PARP8: variants seen among roughly 807,000 people sequenced by gnomAD.
The protein encoded by PARP8 is protein mono-ADP-ribosyltransferase PARP8.
PARP8 carries 51 observed loss-of-function variants against 124.1 expected under a neutral mutation model. That is an observed-to-expected ratio of 0.41 (90% CI 0.33 to 0.52). PARP8 has a LOEUF of 0.52. Ranked by LOEUF, PARP8 falls within the 20% of genes least tolerant of loss-of-function variation. The pLI, the probability that PARP8 is intolerant of heterozygous loss-of-function variation, is 0.21. For missense variants in PARP8, 860 were observed against 1,018.9 expected (o/e 0.84, Z 2.12); for synonymous variants, 391 against 361.5 (o/e 1.08, Z -0.93).
chr5:50,811,019 A>G (rs1744375310), intron 14 of PARP8, among the ~76,000 whole-genome samples: 1 of 152,084 alleles, frequency 6.6e-6, no homozygotes, highest in African/African-American at 2.4e-5. Context: ...GTTTCCAAAA[A>G]GCAGATTTTC....
chr5:50,742,341 G>T (rs1033478920), intron 2 of PARP8, among the ~76,000 whole-genome samples: 5 of 152,174 alleles, frequency 3.3e-5, no homozygotes, highest in African/African-American at 1.2e-4. Context: ...TTCAAATTGT[G>T]AAATTGTTAG....
Position 50,763,789 on chromosome 5 carries a change from T to C in PARP8, c.518+547T>C, listed in dbSNP as rs142081173. The stretch of plus-strand genomic sequence containing the variant: ...CCCCACCATCCTTACTTTTCTTTTT[T>C]CTCCTTAATGTAAGAAAAAGCTTTT... On this transcript the variant is annotated intron_variant, in intron 7 of 25. Transcript: ENST00000281631. Among the ~76,000 whole-genome samples the C allele has an allele frequency of 2.5e-4, 38 of 152,336 alleles. 1 individual carries two copies. In the East Asian group the frequency reaches 7.3e-3, roughly 29 times the overall value.
chr5:50,792,477 C>G (rs1245008455), intron 10 of PARP8, among the ~76,000 whole-genome samples: 1 of 145,702 alleles, frequency 6.9e-6, no homozygotes, highest in East Asian at 2.2e-4. Context: ...CCATTTTGAC[C>G]TGTTTTTTTT....
At chr5:50,816,687 C>G (rs1745140520) in intron 15 of PARP8, among the ~76,000 whole-genome samples, 1 of 151,912 alleles carries the variant, frequency 6.6e-6, no homozygotes, top group Non-Finnish European at 1.5e-5. Flanking sequence ...AATAAATTTC[C>G]AAACTATAGC....
At chr5:50,763,090 C>G in intron 6 of PARP8, 58 bp from the exon 7 acceptor site, 1 of 1,379,860 alleles carries the variant, frequency 7.2e-7, no homozygotes, top group Non-Finnish European at 1.0e-6. Flanking sequence ...CAAAAGGTTG[C>G]TTAAGTTTTT....
At chr5:50,714,295 G>A (rs1431208418) in intron 2 of PARP8, among the ~76,000 whole-genome samples, 2 of 151,750 alleles carry the variant, frequency 1.3e-5, no homozygotes, top group Non-Finnish European at 1.5e-5. Context: ...ATTCAAGCTA[G>A]GAAGAAGGGA....
intron 2 of PARP8, among the ~76,000 whole-genome samples, chr5:50,710,297 T>C (rs1409811263): frequency 6.6e-6 from 1 of 152,020 alleles, no homozygotes; most frequent in Non-Finnish European, 1.5e-5. Context: ...TAATCTGAAA[T>C]ATAAATTGAT....
chr5:50,828,758 C>T (rs1293930821), intron 21 of PARP8, among the ~76,000 whole-genome samples: 2 of 148,490 alleles, frequency 1.3e-5, no homozygotes, highest in Non-Finnish European at 1.5e-5. Context: ...TTTATCCAGG[C>T]GTGGTAGCAC....
intron 2 of PARP8, among the ~76,000 whole-genome samples, chr5:50,706,560 C>T (rs957892854): frequency 6.6e-6 from 1 of 152,040 alleles, no homozygotes; most frequent in Non-Finnish European, 1.5e-5. Context: ...GATTTGAGTT[C>T]AAGATCTTCA....
At chr5:50,805,383 C>T (rs1190626688) in intron 14 of PARP8, among the ~76,000 whole-genome samples, 1 of 151,924 alleles carries the variant, frequency 6.6e-6, no homozygotes, top group Non-Finnish European at 1.5e-5. Flanking sequence ...CATCACACAA[C>T]TCTTGTGGTT....
At chr5:50,805,567 C>G (rs747155461) in intron 14 of PARP8, among the ~76,000 whole-genome samples, 2 of 152,030 alleles carry the variant, frequency 1.3e-5, no homozygotes, top group Non-Finnish European at 2.9e-5. Context: ...GTAGAAGGCA[C>G]CATGCTAGAT....
At chr5:50,838,013 T>G (rs530596938) in intron 25 of PARP8, among the ~76,000 whole-genome samples, 1 of 152,200 alleles carries the variant, frequency 6.6e-6, no homozygotes, top group African/African-American at 2.4e-5. Flanking sequence ...GACCCATATG[T>G]AGAAATTAGG....
chr5:50,674,247 A>C (rs552339507), intron 2 of PARP8, among the ~76,000 whole-genome samples: 215 of 152,320 alleles, frequency 1.4e-3, no homozygotes, highest in Non-Finnish European at 1.8e-3. Context: ...AGCTCTTTAA[A>C]AGAAGCTTCT....
At chr5:50,760,608 T>C (rs1266628693) in intron 5 of PARP8, among the ~76,000 whole-genome samples, 1 of 152,088 alleles carries the variant, frequency 6.6e-6, no homozygotes, top group Non-Finnish European at 1.5e-5. Flanking sequence ...TATATAAAGC[T>C]TAATTTATTC....
chr5:50,676,252 A>G (rs945816857), intron 2 of PARP8, among the ~76,000 whole-genome samples: 4 of 152,262 alleles, frequency 2.6e-5, no homozygotes, highest in African/African-American at 9.6e-5. Flanking sequence ...ACAGTGTAAT[A>G]GAAATGGAAA....
At chr5:50,815,385 T>G in intron 14 of PARP8, 47 bp from the exon 15 acceptor site, 8 of 1,352,552 alleles carry the variant, frequency 5.9e-6, no homozygotes, top group Non-Finnish European at 7.1e-6. Context: ...ATTTTGATAT[T>G]GAGAGTTGGA....
intron 9 of PARP8, among the ~76,000 whole-genome samples, chr5:50,781,953 G>A (rs994505334): frequency 1.3e-5 from 2 of 152,004 alleles, no homozygotes; most frequent in Non-Finnish European, 1.5e-5. Flanking sequence ...GAACAATTCC[G>A]AATACATTAT....
chr5:50,782,823 G>A (rs1168093574), intron 9 of PARP8, among the ~76,000 whole-genome samples: 2 of 152,040 alleles, frequency 1.3e-5, no homozygotes, highest in Non-Finnish European at 2.9e-5. Flanking sequence ...ATAAACATAA[G>A]GCATTAGTTA....
chr5:50,707,627 C>CAGAGAGAGAGAG (rs34400961), intron 2 of PARP8, among the ~76,000 whole-genome samples: 3 of 145,216 alleles, frequency 2.1e-5, no homozygotes, highest in East Asian at 2.1e-4. Context: ...ATAGGGGAGA[C>CAGAGAGAGAGAG]AGAGAGAGAG....
Sources: allele counts gnomAD v4.1 joint callset (sites outside exome capture counted in the v4.1 genomes callset), GRCh38; gene constraint gnomAD v4.1.1; transcripts MANE v1.5; gene names NCBI Gene and HGNC (gene_info 2026-07-23, HGNC 2026-07-21).